CARNMT1: variants seen among roughly 807,000 people sequenced by gnomAD.
CARNMT1 encodes carnosine N-methyltransferase 1.
In CARNMT1, 28 loss-of-function variants were observed where a neutral mutation model predicts 49.6. That is an observed-to-expected ratio of 0.56 (90% CI 0.42 to 0.77). The LOEUF (loss-of-function observed/expected upper bound fraction) is 0.77. CARNMT1 is among the 30% of genes least tolerant of loss of function. CARNMT1 has a pLI of 0.00. For missense variants in CARNMT1, 421 were observed against 512.6 expected (o/e 0.82, Z 1.73); for synonymous variants, 178 against 175.0 (o/e 1.02, Z -0.13).
intron 3 of CARNMT1, among the ~76,000 whole-genome samples, chr9:75,005,769 G>C (rs905434353): frequency 6.7e-6 from 1 of 150,062 alleles, no homozygotes; most frequent in Non-Finnish European, 1.5e-5. Flanking sequence ...CACCGAGCCC[G>C]GCAAGTATAT....
intron 1 of CARNMT1, among the ~76,000 whole-genome samples, chr9:75,021,789 T>C (rs1822370963): frequency 6.6e-6 from 1 of 151,826 alleles, no homozygotes; most frequent in South Asian, 2.1e-4. Context: ...AAAAACAAAA[T>C]GAGCCAGGCG....
chr9:75,010,923 C>T (rs1424830111), intron 3 of CARNMT1, among the ~76,000 whole-genome samples: 1 of 151,974 alleles, frequency 6.6e-6, no homozygotes, highest in Non-Finnish European at 1.5e-5. Flanking sequence ...CTGTGAAGTA[C>T]TGAATGTCCC....
At chr9:75,009,767 C>T (rs1833628931) in intron 3 of CARNMT1, 1 of 151,694 alleles carries the variant, frequency 6.6e-6, no homozygotes, top group Non-Finnish European at 1.5e-5. Flanking sequence ...TTATTGTCTA[C>T]TATTCCTTTA....
intron 3 of CARNMT1, among the ~76,000 whole-genome samples, chr9:75,012,541 C>T (rs927927162): frequency 6.6e-6 from 1 of 152,010 alleles, no homozygotes; most frequent in Non-Finnish European, 1.5e-5. Flanking sequence ...TCCGGCTCAG[C>T]CTAAGTGCTG....
Position 75,024,409 on chromosome 9 carries a change from A to C in CARNMT1, c.230+3603T>G, listed in dbSNP as rs921252741. ...TCTATCCACATCCTCACCTGTAAAA[A>C]TCAGTTCTAAATCTCAATATTAAAA... On this transcript the variant is annotated intron_variant, in intron 1 of 7. Coordinates refer to ENST00000376834, the MANE Select transcript of CARNMT1 (RefSeq NM_152420.3). 7.9e-5 allele frequency among the ~76,000 whole-genome samples: 12 copies of C among 152,212 alleles called. No individual in the cohort carries two copies. In the South Asian group the frequency reaches 8.3e-4, roughly 11 times the overall value.
intron 3 of CARNMT1, among the ~76,000 whole-genome samples, chr9:75,001,571 AG>A (rs1833358892): frequency 6.6e-6 from 1 of 152,368 alleles, no homozygotes; most frequent in Non-Finnish European, 1.5e-5. Context: ...TATGACAAAG[AG>A]GAAGTGGACA....
chr9:75,014,653 C>A (rs1320834829), intron 3 of CARNMT1, among the ~76,000 whole-genome samples: 3 of 152,114 alleles, frequency 2.0e-5, no homozygotes, highest in African/African-American at 7.2e-5. Context: ...CCATATAATT[C>A]ATGCAATTTA....
At chr9:75,018,621 C>G (rs1389602577) in intron 1 of CARNMT1, among the ~76,000 whole-genome samples, 2 of 152,124 alleles carry the variant, frequency 1.3e-5, no homozygotes, top group Non-Finnish European at 2.9e-5. Flanking sequence ...CCTAGAAACT[C>G]TTGCAAATGG....
At chr9:75,000,356 T>C (rs1199822726) in intron 3 of CARNMT1, among the ~76,000 whole-genome samples, 1 of 152,164 alleles carries the variant, frequency 6.6e-6, no homozygotes, top group Non-Finnish European at 1.5e-5. Flanking sequence ...TATCTCTAAA[T>C]CCCTATATAT....
At chr9:75,018,882 G>A (rs1458149210) in intron 1 of CARNMT1, among the ~76,000 whole-genome samples, 1 of 151,142 alleles carries the variant, frequency 6.6e-6, no homozygotes, top group Non-Finnish European at 1.5e-5. Flanking sequence ...CAGGAGAATC[G>A]CTTGAACGCG....
intron 1 of CARNMT1, among the ~76,000 whole-genome samples, chr9:75,027,742 CGAGGACGGAGGCAGGA>C (rs1822571905): frequency 6.6e-6 from 1 of 152,218 alleles, no homozygotes; most frequent in Non-Finnish European, 1.5e-5. Context: ...CAAACCTTTA[CGAGGACGGAGGCAGGA>C]GAGCTAATCT....
In CARNMT1 at chr9:74,981,717, T is replaced by TCAA. The variant is rs1486807582; in HGVS notation, c.*2047_*2049dup. On this transcript the variant is annotated 3_prime_UTR_variant, in exon 8 of 8. Transcript: ENST00000376834. The stretch of plus-strand genomic sequence containing the variant: ...AATTAATAAAGCCAACCCACCAGTG[T>TCAA]CAACCTGTTTTTGCCTGTGACAAAA... The TCAA allele has an allele frequency of 6.6e-6, 1 of 152,090 alleles. No homozygotes were observed. Among genetic ancestry groups the TCAA allele is most frequent in the Non-Finnish European group, 1.5e-5 (1 of 67,982 alleles). The allele number at this position is 152,090 out of a possible 1,614,324, so 9.4% of individuals were successfully genotyped here.
chr9:74,983,006 C>A lies in CARNMT1; in HGVS notation c.*761G>T, dbSNP rs941969676. ...TGTGATGCTATTAAATTTAACATTT[C>A]ATAAAAAAGAAATGTTTGATGCTTC... On this transcript the variant is annotated 3_prime_UTR_variant, in exon 8 of 8. Coordinates refer to ENST00000376834, the MANE Select transcript of CARNMT1 (RefSeq NM_152420.3). The A allele has an allele frequency of 7.2e-5, 11 of 151,998 alleles. No individual in the cohort carries two copies. The highest frequency in any genetic ancestry group is 1.3e-4 in the Non-Finnish European group (9 of 68,006). 9.4% of individuals were successfully genotyped at this position (151,998 alleles called of 1,614,324 possible).
At position 74,984,967 on chromosome 9, in the gene CARNMT1, G is replaced by T. The variant is rs1476276264; in HGVS notation, c.1068C>A (p.Ser356=). ...YHFENLANEL[S]IELSYEDIKN... is the part of the protein sequence containing the mutation. ...TTATATCCTCATAGCTCAATTCTATGGAAAGTTCATTTGCCAGATTTTCAA... is the reference window on the plus strand; with the variant it reads ...TTATATCCTCATAGCTCAATTCTATTGAAAGTTCATTTGCCAGATTTTCAA... The change falls in exon 7 of 8, where the codon TCC becomes TCA. Residue 356 remains serine (S), a synonymous_variant. Transcript: ENST00000376834. 1 of 1,613,654 alleles carries T rather than the reference G, an allele frequency of 6.2e-7. No homozygotes were observed. Among genetic ancestry groups the T allele is most frequent in the Admixed American group, 1.7e-5 (1 of 59,978 alleles).
intron 1 of CARNMT1, among the ~76,000 whole-genome samples, chr9:75,020,655 T>C (rs1385752865): frequency 6.6e-6 from 1 of 152,164 alleles, no homozygotes; most frequent in Non-Finnish European, 1.5e-5. Context: ...TTTTCTTATT[T>C]TTACCCTCTG....
chr9:75,024,630 G>C (rs1822471450), intron 1 of CARNMT1, among the ~76,000 whole-genome samples: 1 of 152,038 alleles, frequency 6.6e-6, no homozygotes, highest in Non-Finnish European at 1.5e-5. Flanking sequence ...AAAATCTGTG[G>C]GAATCACAAA....
chr9:75,012,284 G>GA (rs1440592309), intron 3 of CARNMT1, among the ~76,000 whole-genome samples: 1 of 134,028 alleles, frequency 7.5e-6, no homozygotes, highest in Non-Finnish European at 1.6e-5. Context: ...CAAGTTTTTG[G>GA]TTTTTTTTTT....
At chr9:75,009,695 A>G (rs1833626665) in intron 3 of CARNMT1, 1 of 151,248 alleles carries the variant, frequency 6.6e-6, no homozygotes, top group African/African-American at 2.4e-5. Context: ...CCCACCCCCC[A>G]GCCCACTAGT....
At chr9:74,989,940 T>C (rs1388448945) in intron 6 of CARNMT1, among the ~76,000 whole-genome samples, 1 of 152,110 alleles carries the variant, frequency 6.6e-6, no homozygotes, top group Admixed American at 6.6e-5. Context: ...GAAGAAACTA[T>C]CCAGAGTGCA....
Sources: gnomAD v4.1 joint callset for allele counts (sites outside exome capture counted in the v4.1 genomes callset) on GRCh38, gnomAD v4.1.1 for gene constraint, MANE v1.5 for transcripts, NCBI Gene and HGNC (gene_info 2026-07-23, HGNC 2026-07-21) for gene names.